The following RALYL variants were observed in gnomAD, a reference collection of about 807,000 sequenced individuals.
RALYL encodes the protein RALY RNA binding protein like, also known as RNA-binding Raly-like protein.
In RALYL, 29 loss-of-function variants were observed where a neutral mutation model predicts 35.1. The ratio of observed to expected loss-of-function variants is 0.83; its 90% CI spans 0.61 to 1.13. The LOEUF is 1.13. Among genes scored for constraint, RALYL ranks in the 50% most tolerant of loss-of-function variants. The pLI is 0.00. For missense variants in RALYL, 359 were observed against 360.4 expected, an observed-to-expected ratio of 1.00 and a Z score of 0.03; for synonymous variants, 120 against 127.6, an observed-to-expected ratio of 0.94 and a Z score of 0.40.
In RALYL at chr8:84,352,609, G is replaced by T. The variant is rs1192929966; in HGVS notation, c.-24+168185G>T. On this transcript the variant is annotated intron_variant, in intron 1 of 8. Transcript: ENST00000521268. ...ATAGTCAGACTAAATCTGGAATTAGGCCGTTTTTAGAAACTATTAATGAAA... is the reference window on the plus strand; with the variant it reads ...ATAGTCAGACTAAATCTGGAATTAGTCCGTTTTTAGAAACTATTAATGAAA... Among the ~76,000 whole-genome samples, 2 of 150,250 alleles carry T rather than the reference G, an allele frequency of 1.3e-5. 1 individual carries two copies. The highest frequency in any genetic ancestry group is 5.0e-5 in the African/African-American group (2 of 40,388).
At chr8:84,658,730 A>G (rs544688289) in intron 2 of RALYL, among the ~76,000 whole-genome samples, 1 of 152,208 alleles carries the variant, frequency 6.6e-6, no homozygotes, top group African/African-American at 2.4e-5. Flanking sequence ...AAGTGAAGTA[A>G]AAGAAAAACC....
At chr8:84,835,629 G>C (rs1831839570) in intron 4 of RALYL, among the ~76,000 whole-genome samples, 1 of 142,330 alleles carries the variant, frequency 7.0e-6, no homozygotes, top group Non-Finnish European at 1.5e-5. Flanking sequence ...GTTGCGATGA[G>C]CCAAGATCGT....
At chr8:84,847,157 G>C (rs1190278872) in intron 4 of RALYL, among the ~76,000 whole-genome samples, 3 of 152,166 alleles carry the variant, frequency 2.0e-5, no homozygotes, top group Non-Finnish European at 2.9e-5. Context: ...AAATCCCTTG[G>C]GCTCTGCCCA....
At position 84,612,848 on chromosome 8, in the gene RALYL, A is replaced by G. The variant is rs560888527; in HGVS notation, c.256+83271A>G. Among the ~76,000 whole-genome samples the G allele has an allele frequency of 2.0e-5, 3 of 151,820 alleles. No individual in the cohort carries two copies. In the East Asian group the frequency reaches 5.8e-4, roughly 29 times the overall value. On this transcript the variant is annotated intron_variant, in intron 2 of 8. Coordinates refer to ENST00000521268, the MANE Select transcript of RALYL (RefSeq NM_173848.7). ...CATTGCTAATGTTATTTTTAAATGCATGTTTATGAATCCATAGTGACACTG... is the reference window on the plus strand; with the variant it reads ...CATTGCTAATGTTATTTTTAAATGCGTGTTTATGAATCCATAGTGACACTG...
At chr8:84,396,744 C>T (rs1051241190) in intron 1 of RALYL, among the ~76,000 whole-genome samples, 37 of 151,572 alleles carry the variant, frequency 2.4e-4, no homozygotes, top group Non-Finnish European at 4.0e-4. Context: ...TTTCAGTAAG[C>T]TTTTAAGGTT....
intron 4 of RALYL, among the ~76,000 whole-genome samples, chr8:84,832,951 C>T (rs1346153325): frequency 1.3e-5 from 2 of 152,116 alleles, no homozygotes; most frequent in Non-Finnish European, 2.9e-5. Context: ...TAACATTCTT[C>T]CTTATAATTA....
chr8:84,414,754 C>T (rs1041451653), intron 1 of RALYL, among the ~76,000 whole-genome samples: 4 of 152,100 alleles, frequency 2.6e-5, no homozygotes, highest in Non-Finnish European at 4.4e-5. Context: ...CTTGCTGGTG[C>T]TTATACTTTA....
At chr8:84,537,770 A>G (rs1450649683) in intron 2 of RALYL, among the ~76,000 whole-genome samples, 6 of 152,314 alleles carry the variant, frequency 3.9e-5, no homozygotes, top group Non-Finnish European at 8.8e-5. Context: ...TAGATAGTAG[A>G]TTTAATTAAA....
chr8:84,802,306 G>A (rs1419822232), intron 3 of RALYL, among the ~76,000 whole-genome samples: 3 of 152,072 alleles, frequency 2.0e-5, no homozygotes, highest in South Asian at 2.1e-4. Context: ...CTTAGCTTGG[G>A]GCTATACACA....
chr8:84,438,614 A>T (rs1456989901), intron 1 of RALYL, among the ~76,000 whole-genome samples: 1 of 151,976 alleles, frequency 6.6e-6, no homozygotes, highest in Non-Finnish European at 1.5e-5. Context: ...CTGGTCTCAG[A>T]TTCCTGAGCT....
intron 4 of RALYL, among the ~76,000 whole-genome samples, chr8:84,825,823 G>C (rs574292256): frequency 6.6e-6 from 1 of 152,092 alleles, no homozygotes; most frequent in Non-Finnish European, 1.5e-5. Context: ...AGTCAAGATT[G>C]TGCCACTGCA....
intron 1 of RALYL, among the ~76,000 whole-genome samples, chr8:84,237,525 AT>A (rs150207141): frequency 1.3e-5 from 2 of 151,984 alleles, no homozygotes; most frequent in Non-Finnish European, 2.9e-5. Flanking sequence ...TCTGGAAATA[AT>A]TTTTTTAAAT....
intron 1 of RALYL, among the ~76,000 whole-genome samples, chr8:84,351,470 C>T (rs1850869563): frequency 6.7e-6 from 1 of 149,608 alleles, no homozygotes; most frequent in Admixed American, 6.6e-5. Flanking sequence ...ACTTTTCCAG[C>T]TCCCAGGGGT....
intron 1 of RALYL, among the ~76,000 whole-genome samples, chr8:84,255,780 G>A (rs183533908): frequency 9.3e-4 from 142 of 152,172 alleles, no homozygotes; most frequent in Middle Eastern, 3.4e-3. Context: ...ATGCACTTAT[G>A]TAGAGTTTTC....
chr8:84,758,739 C>T (rs1441943828), intron 2 of RALYL, among the ~76,000 whole-genome samples: 4 of 152,138 alleles, frequency 2.6e-5, no homozygotes, highest in Non-Finnish European at 5.9e-5. Flanking sequence ...GAAGTGACAT[C>T]CCATTTTCTG....
intron 1 of RALYL, among the ~76,000 whole-genome samples, chr8:84,370,003 G>A (rs1855356767): frequency 6.6e-6 from 1 of 151,980 alleles, no homozygotes; most frequent in East Asian, 1.9e-4. Context: ...TTTGGCCTTT[G>A]TTCATCTTAA....
At chr8:84,215,411 T>C (rs1820566786) in intron 1 of RALYL, among the ~76,000 whole-genome samples, 3 of 152,162 alleles carry the variant, frequency 2.0e-5, no homozygotes, top group Admixed American at 1.3e-4. Flanking sequence ...CATTTATTGA[T>C]TCTGAATAAT....
intron 1 of RALYL, among the ~76,000 whole-genome samples, chr8:84,312,566 A>C (rs1422170513): frequency 6.6e-6 from 1 of 152,212 alleles, no homozygotes. Flanking sequence ...AAATTGGCCA[A>C]AACAAGGCAC....
intron 1 of RALYL, among the ~76,000 whole-genome samples, chr8:84,327,772 T>TA (rs545556365): frequency 1.6e-3 from 247 of 152,300 alleles, no homozygotes; most frequent in African/African-American, 5.7e-3. Context: ...GGAGTTCTTT[T>TA]AAAAAAGTGT....
Sources: gnomAD v4.1 joint callset for allele counts (sites outside exome capture counted in the v4.1 genomes callset) on GRCh38, gnomAD v4.1.1 for gene constraint, MANE v1.5 for transcripts, NCBI Gene and HGNC (gene_info 2026-07-23, HGNC 2026-07-21) for gene names.